Variants in SGSM1 observed in about 807,000 individuals in gnomAD.
SGSM1 encodes the protein small G protein signaling modulator 1, also known as RUN and TBC1 domain containing 2.
A neutral mutation model predicts 133.8 loss-of-function variants in SGSM1; 73 were observed. The observed-to-expected ratio is 0.55, with a 90% CI of 0.45 to 0.66. The LOEUF (loss-of-function observed/expected upper bound fraction) is 0.66, where lower values mean the gene tolerates loss of function less well. SGSM1 is among the 30% of genes least tolerant of loss of function. The pLI is 0.00. For synonymous variants in SGSM1, 563 were observed against 573.0 expected (o/e 0.98, Z 0.25); for missense variants, 1,213 against 1,448.1 (o/e 0.84, Z 2.64).
intron 2 of SGSM1, among the ~76,000 whole-genome samples, chr22:24,832,493 C>G (rs1255523630): frequency 1.3e-5 from 2 of 152,176 alleles, no homozygotes. Context: ...TTCTGCCCCT[C>G]GGTCTCATCA....
At chr22:24,917,779 G>A in intron 23 of SGSM1, 25 bp downstream of exon 23, 1 of 1,590,110 alleles carries the variant, frequency 6.3e-7, no homozygotes. Context: ...TTGGGGACCT[G>A]TGTCCAGACT....
intron 2 of SGSM1, among the ~76,000 whole-genome samples, chr22:24,827,634 G>A (rs1056413537): frequency 4.6e-5 from 7 of 152,012 alleles, no homozygotes; most frequent in Non-Finnish European, 1.0e-4. Flanking sequence ...GTCATCTCAA[G>A]CACCTCTGTC....
At chr22:24,812,111 A>G (rs1480591291) in intron 2 of SGSM1, among the ~76,000 whole-genome samples, 1 of 150,920 alleles carries the variant, frequency 6.6e-6, no homozygotes, top group African/African-American at 2.4e-5. Flanking sequence ...TGGAGGTGGC[A>G]GGGAACTGAG....
intron 2 of SGSM1, among the ~76,000 whole-genome samples, chr22:24,819,017 GT>G (rs1928304666): frequency 6.6e-6 from 1 of 151,758 alleles, no homozygotes; most frequent in Admixed American, 6.6e-5. Context: ...GTGGCGGTGT[GT>G]GCCTGTAGTC....
chr22:24,885,115 AGTAGAGACGGG>A (rs1569162675), intron 15 of SGSM1, among the ~76,000 whole-genome samples: 1 of 152,002 alleles, frequency 6.6e-6, no homozygotes, highest in Admixed American at 6.6e-5. Flanking sequence ...TTGTATTTTA[AGTAGAGACGGG>A]GTTTCTCCAT....
At chr22:24,808,481 A>G (rs906833089) in intron 2 of SGSM1, among the ~76,000 whole-genome samples, 1 of 152,194 alleles carries the variant, frequency 6.6e-6, no homozygotes, top group Non-Finnish European at 1.5e-5. Context: ...AGGGGCATGT[A>G]CCTTACAAAG....
intron 24 of SGSM1, 30 bp downstream of exon 24, chr22:24,920,023 G>T: frequency 2.6e-6 from 4 of 1,566,064 alleles, no homozygotes. Flanking sequence ...CTCATGAGAG[G>T]GGTGCAGGCT....
At chr22:24,887,476 A>G (rs1218253724) in intron 16 of SGSM1, among the ~76,000 whole-genome samples, 3 of 152,162 alleles carry the variant, frequency 2.0e-5, no homozygotes, top group African/African-American at 7.2e-5. Flanking sequence ...ATGTGGCTGT[A>G]GCACCTGTTG....
rs1003547367 is a variant in SGSM1 at position 24,900,488 on chromosome 22, C to T, written c.2611-1345C>T. 2.6e-5 allele frequency among the ~76,000 whole-genome samples: 4 copies of T among 152,010 alleles called. No individual in the cohort carries two copies. In the East Asian group the frequency reaches 7.7e-4, roughly 29 times the overall value. ...GATCTCGACTCACCGCAACCTCCGC[C>T]TCCCGGGTTCAAGCGATTCTCCTGC... On this transcript the variant is annotated intron_variant, in intron 19 of 24. Coordinates refer to ENST00000400358, the MANE Select transcript of SGSM1 (RefSeq NM_001098497.3).
chr22:24,832,957 C>T (rs139638), intron 2 of SGSM1, among the ~76,000 whole-genome samples: 27,367 of 150,828 alleles, frequency 0.18, 2,561 homozygotes, highest in Middle Eastern at 0.26. Context: ...TTTTTTCAGA[C>T]GGCGTTTCAT....
chr22:24,885,118 A>G (rs1932528161), intron 15 of SGSM1, among the ~76,000 whole-genome samples: 1 of 145,054 alleles, frequency 6.9e-6, no homozygotes, highest in African/African-American at 2.6e-5. Flanking sequence ...TATTTTAAGT[A>G]GAGACGGGGT....
chr22:24,853,733 A>G (rs1930612701), intron 5 of SGSM1, among the ~76,000 whole-genome samples: 1 of 148,968 alleles, frequency 6.7e-6, no homozygotes, highest in Non-Finnish European at 1.5e-5. Context: ...CAGCCTCCCG[A>G]GTAGCTGGGA....
At chr22:24,834,575 G>T (rs946327072) in intron 2 of SGSM1, among the ~76,000 whole-genome samples, 3 of 152,072 alleles carry the variant, frequency 2.0e-5, no homozygotes, top group African/African-American at 4.8e-5. Flanking sequence ...CAGCTTGAAC[G>T]ACATAAACTG....
chr22:24,883,264 C>T (rs1434781802), intron 14 of SGSM1, among the ~76,000 whole-genome samples: 3 of 152,146 alleles, frequency 2.0e-5, no homozygotes, highest in Admixed American at 2.0e-4. Flanking sequence ...TGTATGTTGG[C>T]TATCATGAAT....
chr22:24,831,919 T>C (rs1308296314), intron 2 of SGSM1, among the ~76,000 whole-genome samples: 1 of 149,014 alleles, frequency 6.7e-6, no homozygotes, highest in African/African-American at 2.4e-5. Flanking sequence ...GAAGAGACTG[T>C]TTGTTCTGTG....
chr22:24,872,888 C>T (rs1452462288), intron 12 of SGSM1, among the ~76,000 whole-genome samples: 2 of 151,082 alleles, frequency 1.3e-5, no homozygotes, highest in South Asian at 2.1e-4. Flanking sequence ...CATTGCGCTC[C>T]AGCCTGGGCA....
intron 2 of SGSM1, among the ~76,000 whole-genome samples, chr22:24,808,515 G>A (rs541908698): frequency 6.6e-6 from 1 of 152,262 alleles, no homozygotes; most frequent in South Asian, 2.1e-4. Flanking sequence ...TTTGTTCGTG[G>A]TTTAACCAGA....
intron 2 of SGSM1, among the ~76,000 whole-genome samples, chr22:24,819,422 A>G (rs1298637857): frequency 2.0e-5 from 3 of 152,272 alleles, no homozygotes; most frequent in Admixed American, 6.5e-5. Context: ...TGTTCCAGAC[A>G]GTATGCTATG....
At chr22:24,869,272 C>G (rs1022849996) in intron 12 of SGSM1, among the ~76,000 whole-genome samples, 2 of 152,064 alleles carry the variant, frequency 1.3e-5, no homozygotes, top group Non-Finnish European at 2.9e-5. Flanking sequence ...TTTGAGAGGC[C>G]GAAATTTGGG....
Sources: gnomAD v4.1 joint callset for allele counts (sites outside exome capture counted in the v4.1 genomes callset) on GRCh38, gnomAD v4.1.1 for gene constraint, MANE v1.5 for transcripts, NCBI Gene and HGNC (gene_info 2026-07-23, HGNC 2026-07-21) for gene names.